TBC1D22A: variants seen among roughly 807,000 people sequenced by gnomAD.
TBC1D22A encodes the protein TBC1 domain family member 22A.
In TBC1D22A, 38 loss-of-function variants were observed where a neutral mutation model predicts 60.2. The ratio of observed to expected loss-of-function variants is 0.63; its 90% CI spans 0.49 to 0.83. TBC1D22A has a LOEUF of 0.83. Ranked by LOEUF, TBC1D22A falls within the 40% of genes least tolerant of loss-of-function variation. The probability of loss-of-function intolerance (pLI) is 0.00; values close to 1 mark genes in which losing one functional copy is unlikely to be tolerated. For synonymous variants in TBC1D22A, 302 were observed against 281.7 expected, an observed-to-expected ratio of 1.07 and a Z score of -0.72; for missense variants, 628 against 701.0, an observed-to-expected ratio of 0.90 and a Z score of 1.18.
intron 12 of TBC1D22A, among the ~76,000 whole-genome samples, chr22:47,144,105 A>G (rs2147153146): frequency 6.6e-6 from 1 of 152,312 alleles, no homozygotes; most frequent in Admixed American, 6.5e-5. Context: ...GACATGGGAG[A>G]CAAACCATTC....
At chr22:47,039,373 A>G (rs184106425) in intron 11 of TBC1D22A, among the ~76,000 whole-genome samples, 1 of 152,304 alleles carries the variant, frequency 6.6e-6, no homozygotes, top group East Asian at 1.9e-4. Flanking sequence ...ATGAAAATAC[A>G]TAGTAATCAT....
chr22:47,140,887 G>C (rs2067058992), intron 12 of TBC1D22A, among the ~76,000 whole-genome samples: 3 of 152,264 alleles, frequency 2.0e-5, no homozygotes, highest in South Asian at 4.1e-4. Flanking sequence ...GCCTTGGGCA[G>C]GTGCTGGAGT....
At chr22:46,806,443 T>C (rs1183097813) in intron 4 of TBC1D22A, among the ~76,000 whole-genome samples, 2 of 148,946 alleles carry the variant, frequency 1.3e-5, no homozygotes, top group African/African-American at 4.9e-5. Context: ...GAGAAAATAA[T>C]GTTTTTGTTT....
intron 8 of TBC1D22A, among the ~76,000 whole-genome samples, chr22:46,966,422 A>G (rs375903364): frequency 5.3e-5 from 8 of 152,216 alleles, no homozygotes; most frequent in African/African-American, 1.9e-4. Context: ...AGGCACTAAC[A>G]TGTTCTTTGT....
chr22:46,906,896 G>A (rs2069520116), intron 7 of TBC1D22A, among the ~76,000 whole-genome samples: 1 of 151,894 alleles, frequency 6.6e-6, no homozygotes, highest in Non-Finnish European at 1.5e-5. Flanking sequence ...TCCTGCGTGT[G>A]TATATGTGCG....
At chr22:46,830,073 T>C (rs2086244924) in intron 4 of TBC1D22A, among the ~76,000 whole-genome samples, 1 of 152,182 alleles carries the variant, frequency 6.6e-6, no homozygotes, top group African/African-American at 2.4e-5. Context: ...GGAAAGGATC[T>C]GAAGTGGAGA....
At chr22:47,113,045 G>A (rs1476728847) in intron 12 of TBC1D22A, among the ~76,000 whole-genome samples, 5 of 152,350 alleles carry the variant, frequency 3.3e-5, no homozygotes, top group African/African-American at 1.2e-4. Context: ...GTCCTCCACA[G>A]TAGGCTCTCC....
chr22:46,902,674 C>T (rs757183238), intron 7 of TBC1D22A, among the ~76,000 whole-genome samples: 28 of 152,232 alleles, frequency 1.8e-4, no homozygotes, highest in Non-Finnish European at 2.9e-4. Context: ...CTCAGAGTCC[C>T]GTTCAAGTGG....
At chr22:46,947,675 T>A (rs953375609) in intron 8 of TBC1D22A, among the ~76,000 whole-genome samples, 1 of 152,204 alleles carries the variant, frequency 6.6e-6, no homozygotes, top group African/African-American at 2.4e-5. Flanking sequence ...CTTGCAAGTG[T>A]GATCTCTCCC....
chr22:47,163,213 G>A (rs1429227893), intron 12 of TBC1D22A, among the ~76,000 whole-genome samples: 1 of 151,908 alleles, frequency 6.6e-6, no homozygotes, highest in Non-Finnish European at 1.5e-5. Context: ...CATGGCCATC[G>A]AAGGCTTGGG....
At chr22:46,797,683 C>T in intron 4 of TBC1D22A, 63 bp downstream of exon 4, 1 of 1,485,220 alleles carries the variant, frequency 6.7e-7, no homozygotes, top group South Asian at 1.3e-5. Context: ...AAATAGATCA[C>T]ATCTTAAAGG....
intron 4 of TBC1D22A, among the ~76,000 whole-genome samples, chr22:46,865,080 A>G (rs539295220): frequency 6.6e-6 from 1 of 152,306 alleles, no homozygotes; most frequent in Admixed American, 6.5e-5. Context: ...ATCTTTGCCT[A>G]ACATCCATCT....
intron 8 of TBC1D22A, among the ~76,000 whole-genome samples, chr22:46,916,658 T>A (rs1440096518): frequency 2.0e-5 from 3 of 152,146 alleles, no homozygotes; most frequent in South Asian, 2.1e-4. Flanking sequence ...TAATCAACCT[T>A]TGTTTGAGTG....
intron 12 of TBC1D22A, among the ~76,000 whole-genome samples, chr22:47,159,689 C>A (rs2067892354): frequency 6.6e-6 from 1 of 151,604 alleles, no homozygotes; most frequent in South Asian, 2.1e-4. Flanking sequence ...ACACGCCATG[C>A]ACCACACACC....
At chr22:46,784,253 A>G (rs914261306) in intron 1 of TBC1D22A, among the ~76,000 whole-genome samples, 12 of 152,246 alleles carry the variant, frequency 7.9e-5, no homozygotes, top group Admixed American at 7.9e-4. Flanking sequence ...TATGTTGCCC[A>G]GGCTAGTCTT....
At chr22:46,977,034 G>A (rs2074326509) in intron 9 of TBC1D22A, among the ~76,000 whole-genome samples, 3 of 152,130 alleles carry the variant, frequency 2.0e-5, no homozygotes, top group South Asian at 2.1e-4. Context: ...GGGCATTCCC[G>A]GGACAGGTTG....
intron 8 of TBC1D22A, among the ~76,000 whole-genome samples, chr22:46,923,002 G>A (rs375826832): frequency 1.3e-5 from 2 of 152,130 alleles, no homozygotes; most frequent in Admixed American, 1.3e-4. Context: ...TCTTGTTCTG[G>A]TTTTCAAGGG....
chr22:47,172,903 G>A (rs2147242466), intron 12 of TBC1D22A, among the ~76,000 whole-genome samples: 1 of 152,358 alleles, frequency 6.6e-6, no homozygotes, highest in South Asian at 2.1e-4. Flanking sequence ...GCCTGAGCCG[G>A]CTCCGTTCTG....
chr22:46,915,137 G>T, intron 8 of TBC1D22A: 1 of 335,570 alleles, frequency 3.0e-6, no homozygotes, highest in South Asian at 2.4e-5. Context: ...AGTCCCAGGG[G>T]TGTGCGAAAC....
Sources: allele counts gnomAD v4.1 joint callset (sites outside exome capture counted in the v4.1 genomes callset), GRCh38; gene constraint gnomAD v4.1.1; transcripts MANE v1.5; gene names NCBI Gene and HGNC (gene_info 2026-07-23, HGNC 2026-07-21).